Variants in DENND4B observed in about 807,000 individuals in gnomAD.
DENND4B encodes DENN domain-containing protein 4B.
A neutral mutation model predicts 161.0 loss-of-function variants in DENND4B; 67 were observed. The ratio of observed to expected loss-of-function variants is 0.42; its 90% CI spans 0.34 to 0.51. DENND4B has a LOEUF of 0.51. DENND4B is among the 20% of genes least tolerant of loss of function. The pLI, the probability that DENND4B is intolerant of heterozygous loss-of-function variation, is 0.08. For synonymous variants in DENND4B, 753 were observed against 813.8 expected (o/e 0.93, Z 1.27); for missense variants, 1,481 against 1,968.0 (o/e 0.75, Z 4.68).
Position 153,938,951 on chromosome 1 carries a change from A to G in DENND4B, c.1914T>C (p.Phe638=), listed in dbSNP as rs1679512955. The change falls in exon 13 of 28, where the codon TTT becomes TTC. Residue 638 remains phenylalanine (F), a synonymous_variant. Transcript: ENST00000361217. Reference sequence around the variant, plus strand: ...CAAGGGCAGCATGGCGAGCAGAGCCAAAAGAGCACTCCTCAATGAACTGTG... The same window carrying G: ...CAAGGGCAGCATGGCGAGCAGAGCCGAAAGAGCACTCCTCAATGAACTGTG... ...MFSQFIEECS[F]GSARHAALEF... 3 of 1,608,522 alleles carry G rather than the reference A, an allele frequency of 1.9e-6. No individual in the cohort carries two copies. The highest frequency in any genetic ancestry group is 2.5e-6 in the Non-Finnish European group (3 of 1,177,346).
chr1:153,940,407 C>A lies in DENND4B; in HGVS notation c.1502+24G>T. 1 of 1,607,718 alleles carries A rather than the reference C, an allele frequency of 6.2e-7. No individual in the cohort carries two copies. ...CATTCCTGCCCACCACCCTGCAGCC[C>A]CCAAATGAGACCCAGCCTCTTACTG... On this transcript the variant is annotated intron_variant, in intron 10 of 27. Coordinates refer to ENST00000361217, the MANE Select transcript of DENND4B (RefSeq NM_014856.3). This position sits in a 1 kb window ranked among gnomAD's most constrained non-coding sequence, Gnocchi z 5.6.
intron 17 of DENND4B, 151 bp downstream of exon 17, chr1:153,935,909 G>A: frequency 1.1e-6 from 1 of 938,926 alleles, no homozygotes; most frequent in Admixed American, 2.7e-5. Flanking sequence ...AGGTGCTAAG[G>A]CACCACAGGA....
chr1:153,941,467 C>A, intron 6 of DENND4B, 27 bp from the exon 7 acceptor site: 2 of 1,598,226 alleles, frequency 1.3e-6, no homozygotes, highest in Non-Finnish European at 1.7e-6. Flanking sequence ...CAGGTCAGAG[C>A]ATACTCCCCC....
chr1:153,935,028 T>A lies in DENND4B; in HGVS notation c.2569-64A>T, dbSNP rs868398067. ...CACCCTAACCCTGCCTCATACCCAC[T>A]CCCTGTCTTGGAGCCCCAGGGACCG... On this transcript the variant is annotated intron_variant, in intron 17 of 27. Transcript: ENST00000361217. The A allele has an allele frequency of 3.2e-6, 5 of 1,581,470 alleles. No individual in the cohort carries two copies. The Admixed American group carries it at 5.1e-5, about 16-fold the overall frequency.
intron 2 of DENND4B, among the ~76,000 whole-genome samples, chr1:153,943,678 T>TAAAAAAAAAAAAAAAAAAAA (rs11330733): frequency 1.1e-5 from 1 of 92,408 alleles, no homozygotes. Flanking sequence ...ACTCTGTCTA[T>TAAAAAAAAAAAAAAAAAAAA]AAAAAAAAAA....
rs967671715 is a variant in DENND4B, at chr1:153,939,736, G to A, written c.1672C>T (p.Arg558Cys). The change falls in exon 12 of 28, where the codon CGC (arginine) becomes TGC (cysteine). Residue 558 changes from arginine to cysteine, a missense_variant. This residue lies in a region of DENND4B where 806 missense variants were observed against 1,134.4 expected (regional missense o/e 0.71). Transcript: ENST00000361217. Reference protein sequence around the residue: ...LLTDYEAVCGRRARLEREVQG... With the variant: ...LLTDYEAVCGCRARLEREVQG... ...ACTTCGCGCTCCAGCCGGGCCCTGC[G>A]GCCACACACTGCCTCGTAGTCTGTC... 20 of 1,613,770 alleles carry A rather than the reference G, an allele frequency of 1.2e-5. No homozygotes were observed. The highest frequency in any genetic ancestry group is 2.2e-5 in the South Asian group (2 of 91,094).
Position 153,932,367 on chromosome 1 carries a change from G to A in DENND4B, c.3833C>T (p.Ser1278Leu). Reference protein sequence around the residue: ...SPLVLRKELESLVENEGSEVL... With the variant: ...SPLVLRKELELLVENEGSEVL... The stretch of plus-strand genomic sequence containing the variant: ...CTCACTGCCCTCGTTCTCTACCAGC[G>A]ACTCCAGCTCCTTACGCAGCACCAG... Residue 1278 changes from serine to leucine, a missense_variant, in exon 24 of 28, where the codon TCG becomes TTG. Coordinates refer to ENST00000361217, the MANE Select transcript of DENND4B (RefSeq NM_014856.3). This position sits in a 1 kb window ranked among gnomAD's most constrained non-coding sequence, Gnocchi z 5.8. The A allele has an allele frequency of 2.5e-6, 4 of 1,613,788 alleles. No individual in the cohort carries two copies. The highest frequency in any genetic ancestry group is 1.3e-5 in the African/African-American group (1 of 75,054).
chr1:153,939,967 A>G, intron 11 of DENND4B, 163 bp from the exon 12 acceptor site: 2 of 813,850 alleles, frequency 2.5e-6, no homozygotes, highest in South Asian at 1.8e-5. Flanking sequence ...TATTTCCCAC[A>G]TGTTCAGGAA....
chr1:153,942,152 T>C lies in DENND4B; in HGVS notation c.810+35A>G, dbSNP rs753259304. On this transcript the variant is annotated intron_variant, in intron 5 of 27. Transcript: ENST00000361217. This position sits in a 1 kb window ranked among gnomAD's most constrained non-coding sequence, Gnocchi z 6.9. ...GAAGGGTAGTCAGGCAGGCCCTGCA[T>C]AGCCTGGACCCCTTGCCACACTCCA... 7 of 1,613,810 alleles carry C rather than the reference T, an allele frequency of 4.3e-6. No homozygotes were observed. The highest frequency in any genetic ancestry group is 1.3e-5 in the African/African-American group (1 of 74,924).
intron 17 of DENND4B, 131 bp from the exon 18 acceptor site, chr1:153,935,095 T>C: frequency 2.0e-6 from 3 of 1,469,726 alleles, no homozygotes; most frequent in Non-Finnish European, 2.7e-6. Flanking sequence ...GTCCGGCCAA[T>C]GGCTCAGCCA....
In DENND4B at chr1:153,934,685, C is replaced by T; in HGVS notation, c.2773+75G>A. On this transcript the variant is annotated intron_variant, in intron 18 of 27. Coordinates refer to ENST00000361217, the MANE Select transcript of DENND4B (RefSeq NM_014856.3). The surrounding 1 kb of genome is among the most constrained non-coding windows in gnomAD (Gnocchi z 5.3). ...ACCCAATGCCAACCATTAGACCAGC[C>T]CCAACTCTCTATGCCTTTCCCTGCC... 1 of 1,537,376 alleles carries T rather than the reference C, an allele frequency of 6.5e-7. No homozygotes were observed. Among genetic ancestry groups the T allele is most frequent in the Non-Finnish European group, 8.8e-7 (1 of 1,142,520 alleles).
chr1:153,941,778 C>CG, intron 6 of DENND4B, 91 bp downstream of exon 6: 4 of 581,502 alleles, frequency 6.9e-6, no homozygotes, highest in Non-Finnish European at 9.2e-6. Flanking sequence ...GTGCCCAGCC[C>CG]TCCCCCCACC....
In DENND4B at chr1:153,941,268, G is replaced by A. The variant is rs776718921; in HGVS notation, c.1144C>T (p.Leu382Phe). 1 of 1,613,922 alleles carries A rather than the reference G, an allele frequency of 6.2e-7. No individual in the cohort carries two copies. Among genetic ancestry groups the A allele is most frequent in the Non-Finnish European group, 8.5e-7 (1 of 1,179,856 alleles). The change falls in exon 8 of 28, where the codon CTC (leucine) becomes TTC (phenylalanine). Residue 382 changes from leucine (L) to phenylalanine (F), a missense_variant. This residue lies in a region of DENND4B where 806 missense variants were observed against 1,134.4 expected (regional missense o/e 0.71). Coordinates refer to ENST00000361217, the MANE Select transcript of DENND4B (RefSeq NM_014856.3). Reference protein sequence around the residue: ...LVQMSPYDNLLLCQPVSSPLP... With the variant: ...LVQMSPYDNLFLCQPVSSPLP... ...GGTGAGGATACAGGCTGACAGAGGAGCAAGTTGTCATAGGGAGACATCTGG... is the reference window on the plus strand; with the variant it reads ...GGTGAGGATACAGGCTGACAGAGGAACAAGTTGTCATAGGGAGACATCTGG...
chr1:153,932,868 G>A lies in DENND4B; in HGVS notation c.3616C>T (p.Arg1206Trp), dbSNP rs754659759. 6.8e-6 allele frequency: 11 copies of A among 1,613,916 alleles called. No homozygotes were observed. In the East Asian group the frequency reaches 1.1e-4, roughly 16 times the overall value. The change falls in exon 22 of 28, where the codon CGG becomes TGG. Residue 1206 changes from arginine to tryptophan, a missense_variant. Arg to Trp is a moderately radical substitution (Grantham distance 101). Transcript: ENST00000361217. This position sits in a 1 kb window ranked among gnomAD's most constrained non-coding sequence, Gnocchi z 5.8. ...TTGCCCTGCCTTGGGCACCTGGGCCGGGAATCAAGGGTCTGGACACTGAGC... is the reference window on the plus strand; with the variant it reads ...TTGCCCTGCCTTGGGCACCTGGGCCAGGAATCAAGGGTCTGGACACTGAGC... ...PLLSVQTLDS[R>W]PSVPSPKSAG...
Position 153,942,508 on chromosome 1 carries a change from C to A in DENND4B, c.640+48G>T. ...AGGTGCCTGCCAAGAGGCACCAGGGCAAAGGGATGTAGGGTCACAGGATTG... is the reference window on the plus strand; with the variant it reads ...AGGTGCCTGCCAAGAGGCACCAGGGAAAAGGGATGTAGGGTCACAGGATTG... On this transcript the variant is annotated intron_variant, in intron 4 of 27. Coordinates refer to ENST00000361217, the MANE Select transcript of DENND4B (RefSeq NM_014856.3). This position sits in a 1 kb window ranked among gnomAD's most constrained non-coding sequence, Gnocchi z 6.9. 7.6e-6 allele frequency: 12 copies of A among 1,575,720 alleles called. No individual in the cohort carries two copies. The highest frequency in any genetic ancestry group is 1.0e-5 in the Non-Finnish European group (12 of 1,160,144).
chr1:153,942,412 A>G lies in DENND4B; in HGVS notation c.641-56T>C. ...AAAGGAGCAGGGTCCATCAGACTCCAAGGGAAATGAACCAAGGGATCCCAG... is the reference window on the plus strand; with the variant it reads ...AAAGGAGCAGGGTCCATCAGACTCCGAGGGAAATGAACCAAGGGATCCCAG... On this transcript the variant is annotated intron_variant, in intron 4 of 27. Transcript: ENST00000361217. The surrounding 1 kb of genome is among the most constrained non-coding windows in gnomAD (Gnocchi z 6.9). 1 of 1,589,726 alleles carries G rather than the reference A, an allele frequency of 6.3e-7. No individual in the cohort carries two copies. Among genetic ancestry groups the G allele is most frequent in the Non-Finnish European group, 8.6e-7 (1 of 1,167,952 alleles).
chr1:153,938,916 T>C lies in DENND4B; in HGVS notation c.1949A>G (p.Asp650Gly). The C allele has an allele frequency of 1.3e-6, 2 of 1,590,466 alleles. No homozygotes were observed. Among genetic ancestry groups the C allele is most frequent in the Non-Finnish European group, 1.7e-6 (2 of 1,168,486 alleles). Residue 650 changes from aspartate to glycine, a missense_variant, in exon 13 of 28, where the codon GAC becomes GGC. Physicochemically the swap from Asp to Gly is moderately conservative, Grantham distance 94 (BLOSUM62 -1). Coordinates refer to ENST00000361217, the MANE Select transcript of DENND4B (RefSeq NM_014856.3). ...GGATGATACCTTTTCAACACAAGAGTCAAAGAATTCAAGGGCAGCATGGCG... is the reference window on the plus strand; with the variant it reads ...GGATGATACCTTTTCAACACAAGAGCCAAAGAATTCAAGGGCAGCATGGCG... ...SARHAALEFF[D>G]SCVEKVHPEQ... is the part of the protein sequence containing the mutation.
chr1:153,941,779 T>TGGGGG, intron 6 of DENND4B, 90 bp downstream of exon 6: 3 of 464,524 alleles, frequency 6.5e-6, no homozygotes, highest in Non-Finnish European at 1.2e-5. Flanking sequence ...TGCCCAGCCC[T>TGGGGG]CCCCCCACCC....
At chr1:153,941,741 A>C in intron 6 of DENND4B, 128 bp downstream of exon 6, 1 of 1,460,132 alleles carries the variant, frequency 6.8e-7, no homozygotes. Context: ...CTGTATAACC[A>C]CACACTGCAG....
Sources: allele counts gnomAD v4.1 joint callset (sites outside exome capture counted in the v4.1 genomes callset), GRCh38; gene constraint gnomAD v4.1.1; regional missense constraint gnomAD v4.1.1; non-coding constraint Gnocchi (gnomAD v3.1); transcripts MANE v1.5; gene names NCBI Gene and HGNC (gene_info 2026-07-23, HGNC 2026-07-21).